Variants in GNAO1 observed in about 807,000 individuals in gnomAD.
GNAO1 encodes guanine nucleotide-binding protein G(o) subunit alpha.
For missense variants in GNAO1, 166 were observed against 478.7 expected, an observed-to-expected ratio of 0.35 and a Z score of 6.10; for synonymous variants, 164 against 180.7, an observed-to-expected ratio of 0.91 and a Z score of 0.74.
chr16:56,238,110 C>A (rs116835201), intron 2 of GNAO1, among the ~76,000 whole-genome samples: 10 of 150,894 alleles, frequency 6.6e-5, no homozygotes, highest in Non-Finnish European at 1.3e-4. Context: ...GATCCCCCCC[C>A]GCCCGCCCCA....
intron 2 of GNAO1, among the ~76,000 whole-genome samples, chr16:56,207,909 TAAA>T (rs2036345573): frequency 6.6e-6 from 1 of 152,202 alleles, no homozygotes; most frequent in Non-Finnish European, 1.5e-5. Flanking sequence ...CATCACTAGG[TAAA>T]AAAGTAGGAC....
At chr16:56,341,911 G>A (rs922420159) in intron 6 of GNAO1, among the ~76,000 whole-genome samples, 4 of 152,230 alleles carry the variant, frequency 2.6e-5, no homozygotes, top group Non-Finnish European at 5.9e-5. Context: ...GGCCTTGGAG[G>A]GCACAGAGCA....
intron 2 of GNAO1, among the ~76,000 whole-genome samples, chr16:56,230,125 A>G (rs2036574767): frequency 9.7e-6 from 1 of 102,742 alleles, no homozygotes; most frequent in African/African-American, 4.7e-5. Context: ...CATAACTTTA[A>G]AAAAAAAAAA....
chr16:56,204,167 G>A (rs1347277628), intron 2 of GNAO1, among the ~76,000 whole-genome samples: 1 of 152,188 alleles, frequency 6.6e-6, no homozygotes, highest in Non-Finnish European at 1.5e-5. Context: ...TTTTGAACCT[G>A]TGAGATGGGA....
At chr16:56,334,532 T>A (rs1259036153) in intron 4 of GNAO1, among the ~76,000 whole-genome samples, 197 bp from the exon 5 acceptor site, 12 of 152,064 alleles carry the variant, frequency 7.9e-5, no homozygotes, top group African/African-American at 2.9e-4. Flanking sequence ...TGTGAATGAG[T>A]GCGTGAGGCC....
intron 2 of GNAO1, among the ~76,000 whole-genome samples, chr16:56,207,807 C>T (rs1328513325): frequency 1.3e-5 from 2 of 152,122 alleles, no homozygotes; most frequent in Admixed American, 1.3e-4. Flanking sequence ...TTAAAAGAAA[C>T]ATTTTTGTTG....
chr16:56,279,658 C>A (rs114216024), intron 3 of GNAO1, among the ~76,000 whole-genome samples: 120 of 152,322 alleles, frequency 7.9e-4, no homozygotes, highest in African/African-American at 2.7e-3. Context: ...CTCCATGAAG[C>A]TCTTATCTCA....
chr16:56,276,046 A>G lies in GNAO1; in HGVS notation c.277A>G (p.Ile93Val), dbSNP rs2037058607. 2 of 1,614,096 alleles carry G rather than the reference A, an allele frequency of 1.2e-6. No homozygotes were observed. The highest frequency in any genetic ancestry group is 1.7e-5 in the Admixed American group (1 of 60,018). ...CGTCCGGGCCATGGACACTTTGGGC[A>G]TCGAATATGGTGATAAGGAGAGAAA... is the stretch of plus-strand genomic sequence containing the variant. ...AIVRAMDTLGIEYGDKERKAD... is the reference protein window; with the variant it reads ...AIVRAMDTLGVEYGDKERKAD... The change falls in exon 3 of 9, where the codon ATC becomes GTC. Residue 93 changes from isoleucine to valine, a missense_variant. Ile to Val is a conservative substitution (Grantham distance 29). Transcript: ENST00000262493.
chr16:56,295,164 T>TA (rs1233321301), intron 3 of GNAO1, among the ~76,000 whole-genome samples: 1 of 152,198 alleles, frequency 6.6e-6, no homozygotes, highest in Non-Finnish European at 1.5e-5. Context: ...TTTCCAGCAT[T>TA]GGGAGCCCTT....
At chr16:56,343,738 C>T (rs2037830409) in intron 6 of GNAO1, 1 of 1,598,098 alleles carries the variant, frequency 6.3e-7, no homozygotes, top group Non-Finnish European at 8.5e-7. Context: ...CTCGCCTCAC[C>T]ACACCTTGCC....
Position 56,192,557 on chromosome 16 carries a change from T to C in GNAO1, c.119-17T>C, listed in dbSNP as rs759192540. On this transcript the variant is annotated splice_polypyrimidine_tract_variant and intron_variant, in intron 1 of 8. Transcript: ENST00000262493. ...CTGACACTCACCAGTTTTTCCCCAC[T>C]GTCTGTGTCCCAACAGGGGCTGGAG... The C allele has an allele frequency of 4.6e-6, 7 of 1,529,760 alleles. No individual in the cohort carries two copies. The highest frequency in any genetic ancestry group is 6.3e-6 in the Non-Finnish European group (7 of 1,118,522). 94.8% of individuals were successfully genotyped at this position (1,529,760 alleles called of 1,614,324 possible). A position where few individuals can be genotyped will look rare whatever the true frequency, so the allele number is the denominator to read the frequency against.
intron 3 of GNAO1, among the ~76,000 whole-genome samples, chr16:56,320,339 C>T (rs75470582): frequency 6.6e-6 from 1 of 152,290 alleles, no homozygotes; most frequent in African/African-American, 2.4e-5. Flanking sequence ...GCAGCGCAGC[C>T]CACCCCTCAG....
chr16:56,241,381 G>C (rs77686602), intron 2 of GNAO1, among the ~76,000 whole-genome samples: 19,635 of 152,170 alleles, frequency 0.13, 1,605 homozygotes, highest in African/African-American at 0.22. Context: ...CAGTCACTGA[G>C]GAGGGGAAGT....
At chr16:56,227,855 C>G (rs557412677) in intron 2 of GNAO1, among the ~76,000 whole-genome samples, 5 of 151,932 alleles carry the variant, frequency 3.3e-5, no homozygotes, top group Admixed American at 1.3e-4. Flanking sequence ...TGCCTTTTGG[C>G]CTTCTTGCTG....
At chr16:56,205,387 C>T (rs1180841796) in intron 2 of GNAO1, among the ~76,000 whole-genome samples, 1 of 152,186 alleles carries the variant, frequency 6.6e-6, no homozygotes, top group African/African-American at 2.4e-5. Context: ...GGGACCCATG[C>T]ATTAGGAGAT....
intron 2 of GNAO1, among the ~76,000 whole-genome samples, chr16:56,272,730 A>G (rs1196764760): frequency 6.6e-6 from 1 of 152,220 alleles, no homozygotes; most frequent in Non-Finnish European, 1.5e-5. Context: ...AAATGGGTAT[A>G]ATAAAATCCC....
chr16:56,265,657 C>T (rs567557760), intron 2 of GNAO1, among the ~76,000 whole-genome samples: 9 of 152,164 alleles, frequency 5.9e-5, no homozygotes, highest in African/African-American at 2.2e-4. Flanking sequence ...ATAAGTGTTC[C>T]AAGAACAGGC....
intron 2 of GNAO1, among the ~76,000 whole-genome samples, chr16:56,246,069 C>G (rs2036741643): frequency 1.3e-5 from 2 of 152,282 alleles, no homozygotes; most frequent in East Asian, 1.9e-4. Context: ...TCAGGCCTCC[C>G]AACTCCCTGG....
intron 2 of GNAO1, among the ~76,000 whole-genome samples, chr16:56,203,615 TG>T (rs1323081756): frequency 6.6e-5 from 10 of 152,132 alleles, no homozygotes; most frequent in Non-Finnish European, 1.0e-4. Flanking sequence ...AGACATCTGA[TG>T]GTGATACTGG....
Sources: allele counts gnomAD v4.1 joint callset (sites outside exome capture counted in the v4.1 genomes callset), GRCh38; gene constraint gnomAD v4.1.1; transcripts MANE v1.5; gene names NCBI Gene and HGNC (gene_info 2026-07-23, HGNC 2026-07-21).